FGF2: variants seen among roughly 807,000 people sequenced by gnomAD.
The protein encoded by FGF2 is basic fibroblast growth factor bFGF.
In FGF2, 13 loss-of-function variants were observed where a neutral mutation model predicts 15.9. That is an observed-to-expected ratio of 0.82 (90% CI 0.53 to 1.30). FGF2 has a LOEUF of 1.30. Among genes scored for constraint, FGF2 ranks in the 50% most tolerant of loss-of-function variants. FGF2 has a pLI of 0.00. For synonymous variants in FGF2, 90 were observed against 78.4 expected (o/e 1.15, Z -0.78); for missense variants, 163 against 196.9 (o/e 0.83, Z 1.03).
intron 1 of FGF2, among the ~76,000 whole-genome samples, chr4:122,870,661 C>T (rs1726712210): frequency 6.6e-6 from 1 of 152,096 alleles, no homozygotes. Context: ...TCTGTGGGGT[C>T]AGTGGTGATC....
At chr4:122,839,867 ATCT>A (rs992535181) in intron 1 of FGF2, among the ~76,000 whole-genome samples, 1 of 152,156 alleles carries the variant, frequency 6.6e-6, no homozygotes, top group Non-Finnish European at 1.5e-5. Flanking sequence ...ATAGAAATTT[ATCT>A]TCTTATAGTT....
At position 122,827,415 on chromosome 4, in the gene FGF2, C is replaced by A; in HGVS notation, c.178+63C>A. On this transcript the variant is annotated intron_variant, in intron 1 of 2. Transcript: ENST00000644866. The surrounding 1 kb of genome is among the most constrained non-coding windows in gnomAD (Gnocchi z 4.2). ...TCGTGGGTTCTCGCCCGCTCTCTCC[C>A]CTCCAGCCTGCACCCTCCTCCCGGA... is the stretch of plus-strand genomic sequence containing the variant. 1.3e-6 allele frequency: 2 copies of A among 1,565,704 alleles called. No individual in the cohort carries two copies. The highest frequency in any genetic ancestry group is 2.3e-5 in the East Asian group (1 of 44,356).
chr4:122,875,788 CAGAG>C (rs1280779094), intron 1 of FGF2, among the ~76,000 whole-genome samples: 3 of 152,182 alleles, frequency 2.0e-5, no homozygotes, highest in African/African-American at 7.2e-5. Flanking sequence ...GCCTGGGTGA[CAGAG>C]AGAGACTCCG....
chr4:122,879,935 A>T lies in FGF2; in HGVS notation c.282+3511A>T, dbSNP rs146729290. Among the ~76,000 whole-genome samples the T allele has an allele frequency of 9.9e-3, 1,511 of 152,280 alleles. 35 individuals are homozygous for T. The highest frequency in any genetic ancestry group is 0.035 in the African/African-American group (1,446 of 41,542). ...GGTGGGGACACAGCCAAACCATATC[A>T]TTCCACCCCTGGCCCCTCCAAAATC... On this transcript the variant is annotated intron_variant, in intron 2 of 2. Transcript: ENST00000644866.
At chr4:122,868,434 T>C (rs757512011) in intron 1 of FGF2, among the ~76,000 whole-genome samples, 1 of 152,214 alleles carries the variant, frequency 6.6e-6, no homozygotes, top group Non-Finnish European at 1.5e-5. Context: ...TCCATGTCCC[T>C]GCAAAAGACA....
chr4:122,888,212 A>AC (rs1243686217), intron 2 of FGF2, among the ~76,000 whole-genome samples: 1 of 152,200 alleles, frequency 6.6e-6, no homozygotes, highest in Non-Finnish European at 1.5e-5. Context: ...ATACCATGCA[A>AC]CCAATCCATC....
rs566795472 is a variant in FGF2 at position 122,843,890 on chromosome 4, C to T, written c.178+16538C>T. Among the ~76,000 whole-genome samples the T allele has an allele frequency of 2.0e-5, 3 of 152,160 alleles. No homozygotes were observed. In the South Asian group the frequency reaches 6.2e-4, roughly 32 times the overall value. ...GAGCCTTTAGTGAGTCGTAATTGTT[C>T]TGCTAGTATAGGATCTTGCCTCAGT... is the stretch of plus-strand genomic sequence containing the variant. On this transcript the variant is annotated intron_variant, in intron 1 of 2. Transcript: ENST00000644866.
intron 1 of FGF2, among the ~76,000 whole-genome samples, chr4:122,840,964 C>G (rs552559811): frequency 6.6e-6 from 1 of 151,942 alleles, no homozygotes; most frequent in South Asian, 2.1e-4. Flanking sequence ...ATACAGATCT[C>G]TGAAAAAAAC....
chr4:122,877,152 C>A (rs1726869831), intron 2 of FGF2, among the ~76,000 whole-genome samples: 1 of 151,030 alleles, frequency 6.6e-6, no homozygotes, highest in South Asian at 2.1e-4. Context: ...CTCCACTGCG[C>A]AGACTGGAGT....
chr4:122,844,835 C>G (rs999843464), intron 1 of FGF2, among the ~76,000 whole-genome samples: 1 of 152,038 alleles, frequency 6.6e-6, no homozygotes, highest in South Asian at 2.1e-4. Flanking sequence ...CAGGGTCTCA[C>G]TATGTTACCC....
rs182035440 is a variant in FGF2 at position 122,878,623 on chromosome 4, A to G, written c.282+2199A>G. ...TAAGAAGAGATCTAATTAGATTTAA[A>G]TTTGAGAAAGATCATCCTGGCAGAA... On this transcript the variant is annotated intron_variant, in intron 2 of 2. Coordinates refer to ENST00000644866, the MANE Select transcript of FGF2 (RefSeq NM_001361665.2). Among the ~76,000 whole-genome samples, 14 of 152,268 alleles carry G rather than the reference A, an allele frequency of 9.2e-5. No homozygotes were observed. In the East Asian group the frequency reaches 2.7e-3, roughly 29 times the overall value.
chr4:122,870,224 A>G (rs1726701881), intron 1 of FGF2, among the ~76,000 whole-genome samples: 1 of 152,194 alleles, frequency 6.6e-6, no homozygotes, highest in South Asian at 2.1e-4. Context: ...GTGTTGCTGA[A>G]TTCTGTTTGC....
intron 2 of FGF2, among the ~76,000 whole-genome samples, chr4:122,887,451 A>C (rs1347820443): frequency 3.9e-5 from 6 of 152,226 alleles, no homozygotes; most frequent in Admixed American, 2.6e-4. Context: ...CACCCCCAAC[A>C]GTGAGAAACA....
At chr4:122,864,742 G>T (rs1402758868) in intron 1 of FGF2, among the ~76,000 whole-genome samples, 1 of 151,942 alleles carries the variant, frequency 6.6e-6, no homozygotes, top group African/African-American at 2.4e-5. Context: ...TGCTAACATT[G>T]TTACATATGG....
At chr4:122,872,518 C>A (rs992891963) in intron 1 of FGF2, among the ~76,000 whole-genome samples, 1 of 151,802 alleles carries the variant, frequency 6.6e-6, no homozygotes, top group Non-Finnish European at 1.5e-5. Flanking sequence ...TCAGGAAATA[C>A]AGAGAACACC....
intron 1 of FGF2, among the ~76,000 whole-genome samples, chr4:122,845,790 A>C (rs1726098487): frequency 6.6e-6 from 1 of 152,154 alleles, no homozygotes; most frequent in South Asian, 2.1e-4. Context: ...TATCCAGACC[A>C]CTCAAACTTT....
rs1047926674 is a variant in FGF2 at position 122,896,444 on chromosome 4, T to C, written c.*4048T>C. On this transcript the variant is annotated 3_prime_UTR_variant, in exon 3 of 3. Transcript: ENST00000644866. ...CAGACTGCTTTTTGCCCAATATAGATTGGGTAAGGCTGCAAAACATAAGCT... is the reference window on the plus strand; with the variant it reads ...CAGACTGCTTTTTGCCCAATATAGACTGGGTAAGGCTGCAAAACATAAGCT... 4 of 152,164 alleles carry C rather than the reference T, an allele frequency of 2.6e-5. No homozygotes were observed. The highest frequency in any genetic ancestry group is 5.9e-5 in the Non-Finnish European group (4 of 68,012). 9.4% of individuals were successfully genotyped at this position (152,164 alleles called of 1,614,324 possible).
intron 1 of FGF2, among the ~76,000 whole-genome samples, chr4:122,863,165 G>A (rs1197182882): frequency 6.6e-6 from 1 of 152,160 alleles, no homozygotes; most frequent in Non-Finnish European, 1.5e-5. Flanking sequence ...AGCGTTCTAT[G>A]CCCTGTCTCT....
At chr4:122,847,171 A>C (rs929201000) in intron 1 of FGF2, among the ~76,000 whole-genome samples, 1 of 152,254 alleles carries the variant, frequency 6.6e-6, no homozygotes, top group African/African-American at 2.4e-5. Flanking sequence ...GTCTATTCTA[A>C]GGCAAAGCAC....
Sources: allele counts gnomAD v4.1 joint callset (sites outside exome capture counted in the v4.1 genomes callset), GRCh38; gene constraint gnomAD v4.1.1; non-coding constraint Gnocchi (gnomAD v3.1); transcripts MANE v1.5; gene names NCBI Gene and HGNC (gene_info 2026-07-23, HGNC 2026-07-21).